The following CACNA2D1 variants were observed in gnomAD, a reference collection of about 807,000 sequenced individuals.
CACNA2D1 encodes the protein calcium voltage-gated channel auxiliary subunit alpha2delta 1.
Under a neutral mutation model 171.5 loss-of-function variants are expected in CACNA2D1, and 53 were observed. The ratio of observed to expected loss-of-function variants is 0.31; its 90% CI spans 0.25 to 0.39. CACNA2D1 has a LOEUF of 0.39. CACNA2D1 is among the 10% of genes least tolerant of loss of function. The pLI, the probability that CACNA2D1 is intolerant of heterozygous loss-of-function variation, is 1.00. For missense variants in CACNA2D1, 903 were observed against 1,299.8 expected, an observed-to-expected ratio of 0.69 and a Z score of 4.69; for synonymous variants, 442 against 443.1, an observed-to-expected ratio of 1.00 and a Z score of 0.03.
chr7:82,429,467 T>C (rs1470988199), intron 1 of CACNA2D1, among the ~76,000 whole-genome samples: 2 of 152,188 alleles, frequency 1.3e-5, no homozygotes, highest in African/African-American at 2.4e-5. Flanking sequence ...ATTACAAGAA[T>C]AGAGTCCAGG....
intron 3 of CACNA2D1, among the ~76,000 whole-genome samples, chr7:82,172,125 T>C (rs1376400272): frequency 2.0e-5 from 3 of 151,996 alleles, no homozygotes; most frequent in Admixed American, 1.3e-4. Flanking sequence ...AAAAGGACAA[T>C]GGTTTTGTTT....
chr7:82,424,155 A>T (rs1441482574), intron 1 of CACNA2D1, among the ~76,000 whole-genome samples: 1 of 152,138 alleles, frequency 6.6e-6, no homozygotes, highest in Non-Finnish European at 1.5e-5. Flanking sequence ...GGTGCTAGCA[A>T]ATTAATTATT....
chr7:81,980,874 G>C (rs1349446235), intron 24 of CACNA2D1, among the ~76,000 whole-genome samples: 1 of 152,086 alleles, frequency 6.6e-6, no homozygotes, highest in Non-Finnish European at 1.5e-5. Flanking sequence ...TCGTTTGGGA[G>C]GATGGCATTT....
intron 4 of CACNA2D1, among the ~76,000 whole-genome samples, chr7:82,160,979 AAT>A (rs1794893884): frequency 6.6e-6 from 1 of 152,012 alleles, no homozygotes; most frequent in African/African-American, 2.4e-5. Flanking sequence ...ACATTTACTT[AAT>A]ATATGTTTTA....
chr7:82,025,365 C>A (rs372470528), intron 12 of CACNA2D1, among the ~76,000 whole-genome samples: 1 of 151,482 alleles, frequency 6.6e-6, no homozygotes. Flanking sequence ...GTTAAGTTCG[C>A]CTCCTTTGTT....
chr7:82,211,839 G>C (rs111534330), intron 3 of CACNA2D1, among the ~76,000 whole-genome samples: 1 of 152,084 alleles, frequency 6.6e-6, no homozygotes, highest in African/African-American at 2.4e-5. Context: ...GTACATAAAC[G>C]TTCCCTTTCT....
At chr7:82,240,275 T>C (rs1457999527) in intron 3 of CACNA2D1, among the ~76,000 whole-genome samples, 1 of 152,176 alleles carries the variant, frequency 6.6e-6, no homozygotes, top group African/African-American at 2.4e-5. Flanking sequence ...TAAGTTTATT[T>C]TGGTTATTAA....
rs141259869 is a variant in CACNA2D1 at position 82,228,115 on chromosome 7, G to A, written c.295-57506C>T. Among the ~76,000 whole-genome samples the A allele has an allele frequency of 3.1e-3, 479 of 152,170 alleles. 6 individuals carry two copies. Among genetic ancestry groups the A allele is most frequent in the South Asian group, 0.011 (53 of 4,820 alleles). On this transcript the variant is annotated intron_variant, in intron 3 of 38. Coordinates refer to ENST00000356860, the MANE Select transcript of CACNA2D1 (RefSeq NM_000722.4). The stretch of plus-strand genomic sequence containing the variant: ...AAGGTTCCTAATCAGTTGATATTGA[G>A]TTAATAAAAAAGGAGATTATCTCAG...
chr7:82,284,316 AG>A (rs1164023357), intron 3 of CACNA2D1, among the ~76,000 whole-genome samples: 2 of 152,220 alleles, frequency 1.3e-5, no homozygotes, highest in African/African-American at 4.8e-5. Context: ...TGTATCTCCA[AG>A]GGCGAGACCA....
rs555366705 is a variant in CACNA2D1 at position 82,291,174 on chromosome 7, A to C, written c.294+43961T>G. Among the ~76,000 whole-genome samples, 176 of 125,154 alleles carry C rather than the reference A, an allele frequency of 1.4e-3. 1 individual carries two copies. Among genetic ancestry groups the C allele is most frequent in the African/African-American group, 4.3e-3 (116 of 27,124 alleles). The allele number at this position is 125,154 out of a possible 152,430, so 82.1% of individuals were successfully genotyped here. The stretch of plus-strand genomic sequence containing the variant: ...TATAATTCTATATCGATATAGAATT[A>C]TAATTCTATATCGATATAGAATTCT... On this transcript the variant is annotated intron_variant, in intron 3 of 38. Transcript: ENST00000356860.
chr7:82,013,788 T>G (rs1228898291), intron 13 of CACNA2D1, among the ~76,000 whole-genome samples: 1 of 151,842 alleles, frequency 6.6e-6, no homozygotes, highest in African/African-American at 2.4e-5. Flanking sequence ...TAAAAATATT[T>G]TTTCATTGGA....
chr7:81,958,092 T>C (rs528683057), intron 38 of CACNA2D1, among the ~76,000 whole-genome samples: 2 of 151,290 alleles, frequency 1.3e-5, no homozygotes, highest in Non-Finnish European at 2.9e-5. Context: ...GGACTTAATA[T>C]ATCTTAAAAA....
At chr7:82,367,114 T>G (rs1821827621) in intron 1 of CACNA2D1, among the ~76,000 whole-genome samples, 1 of 151,852 alleles carries the variant, frequency 6.6e-6, no homozygotes, top group African/African-American at 2.4e-5. Context: ...CTCACCATGT[T>G]GCCCAGGCTG....
chr7:82,002,237 G>A (rs560682265), intron 18 of CACNA2D1, among the ~76,000 whole-genome samples: 2 of 151,982 alleles, frequency 1.3e-5, no homozygotes, highest in South Asian at 4.2e-4. Flanking sequence ...TGTAAAAGAC[G>A]CCCTAGAGAG....
chr7:81,995,604 G>A (rs886252566), intron 19 of CACNA2D1, among the ~76,000 whole-genome samples: 1 of 152,010 alleles, frequency 6.6e-6, no homozygotes, highest in African/African-American at 2.4e-5. Flanking sequence ...TTCGAGATCA[G>A]CCCAGCCAGA....
chr7:82,095,201 G>A (rs1273893968), intron 6 of CACNA2D1, among the ~76,000 whole-genome samples: 1 of 151,994 alleles, frequency 6.6e-6, no homozygotes, highest in Non-Finnish European at 1.5e-5. Flanking sequence ...ATGCCTACTT[G>A]TTAAACTTCT....
At chr7:82,332,520 A>AAGAAAGAAAGAAAG (rs911187235) in intron 3 of CACNA2D1, among the ~76,000 whole-genome samples, 6 of 90,224 alleles carry the variant, frequency 6.7e-5, no homozygotes, top group African/African-American at 2.6e-4. Context: ...TAAAGAAAGA[A>AAGAAAGAAAGAAAG]AGAAAGAAAG....
At chr7:82,133,811 G>A (rs567724531) in intron 5 of CACNA2D1, among the ~76,000 whole-genome samples, 5 of 152,280 alleles carry the variant, frequency 3.3e-5, no homozygotes, top group South Asian at 2.1e-4. Context: ...GGTGGCTCAC[G>A]CCTGTAATCC....
In CACNA2D1 at chr7:82,309,160, C is replaced by A. The variant is rs865893257; in HGVS notation, c.294+25975G>T. On this transcript the variant is annotated intron_variant, in intron 3 of 38. Transcript: ENST00000356860. ...GTGGCTCATGCCTGTAATACCAGCA[C>A]TTTGGGAGACCGAGGCGGGTGGATC... Among the ~76,000 whole-genome samples the A allele has an allele frequency of 9.2e-5, 14 of 152,216 alleles. 1 individual carries two copies. The South Asian group carries it at 2.9e-3, about 32-fold the overall frequency.
Sources: gnomAD v4.1 joint callset for allele counts (sites outside exome capture counted in the v4.1 genomes callset) on GRCh38, gnomAD v4.1.1 for gene constraint, MANE v1.5 for transcripts, NCBI Gene and HGNC (gene_info 2026-07-23, HGNC 2026-07-21) for gene names.